MKLN1: variants seen among roughly 807,000 people sequenced by gnomAD.
The protein encoded by MKLN1 is muskelin 1, also known as muskelin.
A neutral mutation model predicts 99.0 loss-of-function variants in MKLN1; 18 were observed. The observed-to-expected ratio is 0.18, with a 90% CI of 0.13 to 0.27. MKLN1 has a LOEUF of 0.27. MKLN1 is among the 10% of genes least tolerant of loss of function. The pLI is 1.00. For missense variants in MKLN1, 621 were observed against 875.9 expected (o/e 0.71, Z 3.67); for synonymous variants, 288 against 293.2 (o/e 0.98, Z 0.18).
At chr7:131,415,127 T>C (rs1055532794) in intron 8 of MKLN1, among the ~76,000 whole-genome samples, 66 of 151,668 alleles carry the variant, frequency 4.4e-4, no homozygotes, top group Non-Finnish European at 3.2e-4. Flanking sequence ...TTTTTTTTTT[T>C]CCTGTCTTTT....
chr7:131,479,783 C>T (rs942643695), intron 17 of MKLN1, among the ~76,000 whole-genome samples: 5 of 145,302 alleles, frequency 3.4e-5, no homozygotes, highest in Admixed American at 6.8e-5. Context: ...GCCGAGATTG[C>T]GCCACTGCAC....
intron 3 of MKLN1, chr7:131,310,290 T>C (rs565072131): frequency 1.2e-4 from 18 of 152,320 alleles, no homozygotes; most frequent in Admixed American, 5.2e-4. Context: ...GATCTGATAA[T>C]TGGAAAGGAC....
At chr7:131,465,334 G>A (rs1182658831) in intron 14 of MKLN1, among the ~76,000 whole-genome samples, 4 of 152,054 alleles carry the variant, frequency 2.6e-5, no homozygotes, top group East Asian at 3.9e-4. Context: ...TACCACTTAC[G>A]AAAGTGATTG....
chr7:131,451,714 T>G (rs1225389993), intron 12 of MKLN1, among the ~76,000 whole-genome samples: 1 of 152,240 alleles, frequency 6.6e-6, no homozygotes, highest in Non-Finnish European at 1.5e-5. Flanking sequence ...TACATCAAAA[T>G]TCAGCATATC....
At chr7:131,334,771 C>A (rs1220186467) in intron 1 of MKLN1, among the ~76,000 whole-genome samples, 1 of 152,026 alleles carries the variant, frequency 6.6e-6, no homozygotes, top group Non-Finnish European at 1.5e-5. Context: ...ATTCAAAAAT[C>A]GTTTTTGGAA....
At chr7:131,223,570 C>A (rs985466022) in intron 3 of MKLN1, among the ~76,000 whole-genome samples, 1 of 152,148 alleles carries the variant, frequency 6.6e-6, no homozygotes, top group Non-Finnish European at 1.5e-5. Flanking sequence ...CTCTTTCATG[C>A]CTCCTGTCAG....
At chr7:131,353,924 A>T (rs890720094) in intron 1 of MKLN1, among the ~76,000 whole-genome samples, 7 of 146,548 alleles carry the variant, frequency 4.8e-5, no homozygotes, top group East Asian at 4.0e-4. Flanking sequence ...AAAAAAAAAA[A>T]CCAGTTGGGC....
At chr7:131,336,852 AC>A (rs1799264464) in intron 1 of MKLN1, among the ~76,000 whole-genome samples, 1 of 152,058 alleles carries the variant, frequency 6.6e-6, no homozygotes, top group African/African-American at 2.4e-5. Flanking sequence ...TTTTGTATTT[AC>A]ATGCTTCCAT....
Position 131,163,085 on chromosome 7 carries a change from C to T in MKLN1, c.-297+20144C>T, listed in dbSNP as rs112973767. Among the ~76,000 whole-genome samples, 627 of 152,310 alleles carry T rather than the reference C, an allele frequency of 4.1e-3. 3 individuals carry two copies. Among genetic ancestry groups the T allele is most frequent in the African/African-American group, 0.014 (600 of 41,566 alleles). ...CTTAAGTCAATTACCTATGATCATACAGCTGTGGCTTAAGCGCAACTCTGT... is the reference window on the plus strand; with the variant it reads ...CTTAAGTCAATTACCTATGATCATATAGCTGTGGCTTAAGCGCAACTCTGT... On this transcript the variant is annotated intron_variant, in intron 2 of 7. Transcript: ENST00000416992.
intron 2 of MKLN1, among the ~76,000 whole-genome samples, chr7:131,143,969 G>A (rs1171078080): frequency 2.0e-5 from 3 of 152,220 alleles, no homozygotes; most frequent in African/African-American, 4.8e-5. Context: ...ACTGCCTATC[G>A]TCAACCCCAC....
chr7:131,211,318 T>G (rs1254801455), intron 3 of MKLN1, among the ~76,000 whole-genome samples: 1 of 152,204 alleles, frequency 6.6e-6, no homozygotes, highest in Non-Finnish European at 1.5e-5. Flanking sequence ...ATATGCAGGA[T>G]GGCTTGGGCT....
At chr7:131,413,227 G>A (rs754792731) in intron 7 of MKLN1, among the ~76,000 whole-genome samples, 3 of 152,152 alleles carry the variant, frequency 2.0e-5, no homozygotes, top group Non-Finnish European at 4.4e-5. Context: ...TTAACTATTA[G>A]GATAAAGGAT....
chr7:131,347,642 G>A (rs148456531), intron 1 of MKLN1, among the ~76,000 whole-genome samples: 1 of 152,128 alleles, frequency 6.6e-6, no homozygotes, highest in African/African-American at 2.4e-5. Flanking sequence ...AGTGAATTTA[G>A]AGGTGAGAGT....
intron 3 of MKLN1, among the ~76,000 whole-genome samples, chr7:131,306,944 C>T (rs1798475668): frequency 6.6e-6 from 1 of 152,160 alleles, no homozygotes; most frequent in African/African-American, 2.4e-5. Context: ...CATCACAGGC[C>T]CAGAGGCCTA....
chr7:131,478,927 C>G, intron 17 of MKLN1: 1 of 532,418 alleles, frequency 1.9e-6, no homozygotes, highest in Non-Finnish European at 3.3e-6. Context: ...GCAATAGAAA[C>G]ACAGTCAAAA....
At chr7:131,334,645 T>C (rs1322463409) in intron 1 of MKLN1, among the ~76,000 whole-genome samples, 1 of 152,200 alleles carries the variant, frequency 6.6e-6, no homozygotes, top group Non-Finnish European at 1.5e-5. Flanking sequence ...TAGGTAAATA[T>C]TTAAATAGAT....
intron 2 of MKLN1, among the ~76,000 whole-genome samples, chr7:131,197,866 T>G (rs1796672239): frequency 6.6e-6 from 1 of 152,108 alleles, no homozygotes; most frequent in African/African-American, 2.4e-5. Flanking sequence ...AGACAATGTC[T>G]GGCTCTATTG....
chr7:131,227,678 G>T (rs1319114526), intron 3 of MKLN1, among the ~76,000 whole-genome samples: 1 of 151,294 alleles, frequency 6.6e-6, no homozygotes, highest in African/African-American at 2.4e-5. Context: ...CAATTCTCCT[G>T]CCTCAGCCTC....
Position 131,287,017 on chromosome 7 carries a change from G to T in MKLN1, c.-179+84043G>T, listed in dbSNP as rs767087411. Among the ~76,000 whole-genome samples, 4 of 152,316 alleles carry T rather than the reference G, an allele frequency of 2.6e-5. No individual in the cohort carries two copies. In the South Asian group the frequency reaches 8.3e-4, roughly 32 times the overall value. Reference sequence around the variant, plus strand: ...CTTGGGAGGCTGAGATGGGAGGATCGATTGAGCCCTAAAGATTGAGGCTGC... The same window carrying T: ...CTTGGGAGGCTGAGATGGGAGGATCTATTGAGCCCTAAAGATTGAGGCTGC... On this transcript the variant is annotated intron_variant, in intron 3 of 7. Coordinates refer to the MKLN1 transcript ENST00000416992.
Sources: allele counts gnomAD v4.1 joint callset (sites outside exome capture counted in the v4.1 genomes callset), GRCh38; gene constraint gnomAD v4.1.1; transcripts MANE v1.5; gene names NCBI Gene and HGNC (gene_info 2026-07-23, HGNC 2026-07-21).